Variants in SYNDIG1 observed in about 807,000 individuals in gnomAD.
The protein encoded by SYNDIG1 is synapse differentiation inducing 1.
SYNDIG1 carries 9 observed loss-of-function variants against 19.4 expected under a neutral mutation model. The observed-to-expected ratio is 0.46, with a 90% confidence interval of 0.28 to 0.81. The LOEUF (loss-of-function observed/expected upper bound fraction) is 0.81. Among genes scored for constraint, SYNDIG1 ranks in the 30% least tolerant of loss-of-function variants. The probability of loss-of-function intolerance (pLI) is 0.12; values close to 1 mark genes in which losing one functional copy is unlikely to be tolerated. For missense variants in SYNDIG1, 311 were observed against 343.3 expected (o/e 0.91, Z 0.74); for synonymous variants, 141 against 145.9 (o/e 0.97, Z 0.24).
In SYNDIG1 at chr20:24,537,295, A is replaced by C. The variant is rs1217957223; in HGVS notation, c.-78-5725A>C. On this transcript the variant is annotated intron_variant, in intron 1 of 3. Coordinates refer to ENST00000376862, the MANE Select transcript of SYNDIG1 (RefSeq NM_024893.3). ...TGAAAGGAGAGAGGATTCTATAATG[A>C]ATCACATGCACCCATCAACCAACTT... 2.0e-5 allele frequency among the ~76,000 whole-genome samples: 3 copies of C among 152,214 alleles called. No homozygotes were observed. The East Asian group carries it at 5.8e-4, about 29-fold the overall frequency.
intron 3 of SYNDIG1, among the ~76,000 whole-genome samples, chr20:24,643,883 T>C (rs2059401449): frequency 4.6e-5 from 7 of 152,244 alleles, no homozygotes; most frequent in Admixed American, 4.6e-4. Flanking sequence ...TATGTGATGC[T>C]GAGTTCTCCT....
intron 3 of SYNDIG1, among the ~76,000 whole-genome samples, chr20:24,604,479 T>C (rs1335613272): frequency 3.9e-5 from 6 of 152,216 alleles, no homozygotes; most frequent in Non-Finnish European, 8.8e-5. Context: ...CATTATATGC[T>C]AATTACATGC....
At chr20:24,577,972 A>C (rs2058256825) in intron 2 of SYNDIG1, among the ~76,000 whole-genome samples, 1 of 152,188 alleles carries the variant, frequency 6.6e-6, no homozygotes. Context: ...CCTCTGTGCA[A>C]ATTGTAGGGG....
intron 2 of SYNDIG1, among the ~76,000 whole-genome samples, chr20:24,574,134 G>A (rs994054095): frequency 2.0e-5 from 3 of 152,096 alleles, no homozygotes; most frequent in Admixed American, 6.5e-5. Context: ...AAAAGCAATT[G>A]CACCTGAATC....
intron 1 of SYNDIG1, among the ~76,000 whole-genome samples, chr20:24,540,304 T>G (rs1223112972): frequency 1.3e-5 from 2 of 152,254 alleles, no homozygotes; most frequent in African/African-American, 4.8e-5. Context: ...TAGATTTTTT[T>G]GTGGAATCTT....
rs1246324613 is a variant in SYNDIG1, at chr20:24,505,814, CA to C, written c.-79+36064del. ...GACTTTCCCCTTGCAGCACTTGAAG[CA>C]AAGTTGCAAAAAATCCTGACAATAG... On this transcript the variant is annotated intron_variant, in intron 1 of 3. Coordinates refer to ENST00000376862, the MANE Select transcript of SYNDIG1 (RefSeq NM_024893.3). Among the ~76,000 whole-genome samples the C allele has an allele frequency of 2.0e-5, 3 of 152,290 alleles. No homozygotes were observed. The East Asian group carries it at 5.8e-4, about 29-fold the overall frequency.
intron 3 of SYNDIG1, among the ~76,000 whole-genome samples, chr20:24,609,615 C>A (rs909591960): frequency 6.6e-6 from 1 of 152,184 alleles, no homozygotes; most frequent in Non-Finnish European, 1.5e-5. Flanking sequence ...CTGCAGATTG[C>A]TCAGGGGATT....
intron 1 of SYNDIG1, among the ~76,000 whole-genome samples, chr20:24,541,491 TCTC>T (rs1368333004): frequency 1.3e-5 from 2 of 152,192 alleles, no homozygotes; most frequent in Non-Finnish European, 2.9e-5. Flanking sequence ...CTTCATCCTG[TCTC>T]CTCCTCCAGC....
intron 3 of SYNDIG1, among the ~76,000 whole-genome samples, chr20:24,626,652 C>T (rs2059142720): frequency 6.6e-6 from 1 of 152,264 alleles, no homozygotes; most frequent in African/African-American, 2.4e-5. Context: ...GGCAGAGACG[C>T]TCCTCACTTC....
chr20:24,524,742 T>C (rs2057084872), intron 1 of SYNDIG1, among the ~76,000 whole-genome samples: 1 of 152,042 alleles, frequency 6.6e-6, no homozygotes, highest in African/African-American at 2.4e-5. Flanking sequence ...TTTAACGGGG[T>C]CTTGGAGAGA....
intron 3 of SYNDIG1, among the ~76,000 whole-genome samples, chr20:24,652,474 C>T (rs539542630): frequency 2.6e-5 from 4 of 152,364 alleles, no homozygotes; most frequent in African/African-American, 4.8e-5. Context: ...GCCTGTCCTA[C>T]GCTGGGCTCT....
intron 2 of SYNDIG1, among the ~76,000 whole-genome samples, chr20:24,558,105 C>T (rs1234249093): frequency 6.6e-6 from 1 of 152,128 alleles, no homozygotes; most frequent in Non-Finnish European, 1.5e-5. Flanking sequence ...GAATGAGGGG[C>T]TTGGTGTCTC....
chr20:24,580,017 G>A (rs936334100), intron 2 of SYNDIG1, among the ~76,000 whole-genome samples: 3 of 152,228 alleles, frequency 2.0e-5, no homozygotes, highest in Non-Finnish European at 2.9e-5. Context: ...ACAGGCAGGC[G>A]ATGCAGTAGA....
At chr20:24,562,515 T>G (rs2057966274) in intron 2 of SYNDIG1, among the ~76,000 whole-genome samples, 1 of 152,236 alleles carries the variant, frequency 6.6e-6, no homozygotes, top group Non-Finnish European at 1.5e-5. Flanking sequence ...CACTATTATC[T>G]TAGACATTCT....
At chr20:24,582,747 G>A (rs2058351547) in intron 2 of SYNDIG1, among the ~76,000 whole-genome samples, 1 of 152,134 alleles carries the variant, frequency 6.6e-6, no homozygotes, top group South Asian at 2.1e-4. Context: ...ACCATATGGG[G>A]GCCAATGTGC....
chr20:24,585,259 C>A (rs796401351), intron 3 of SYNDIG1, among the ~76,000 whole-genome samples: 1 of 152,124 alleles, frequency 6.6e-6, no homozygotes, highest in Non-Finnish European at 1.5e-5. Context: ...GAACTGAAGC[C>A]GGTGTCTGCT....
At chr20:24,485,076 C>T (rs2055918341) in intron 1 of SYNDIG1, among the ~76,000 whole-genome samples, 1 of 148,138 alleles carries the variant, frequency 6.8e-6, no homozygotes, top group African/African-American at 2.7e-5. Flanking sequence ...TTGACCGTCT[C>T]TGCCATGTTA....
intron 1 of SYNDIG1, among the ~76,000 whole-genome samples, chr20:24,525,650 TGAGA>T (rs2057109075): frequency 6.6e-6 from 1 of 151,874 alleles, no homozygotes; most frequent in Non-Finnish European, 1.5e-5. Context: ...GGAGAGAGAG[TGAGA>T]GAGACAGAGA....
At chr20:24,629,267 T>G (rs1370773471) in intron 3 of SYNDIG1, among the ~76,000 whole-genome samples, 1 of 152,144 alleles carries the variant, frequency 6.6e-6, no homozygotes, top group Admixed American at 6.5e-5. Flanking sequence ...CTCCCAACAG[T>G]GAGGCGAGTG....
Sources: allele counts gnomAD v4.1 joint callset (sites outside exome capture counted in the v4.1 genomes callset), GRCh38; gene constraint gnomAD v4.1.1; transcripts MANE v1.5; gene names NCBI Gene and HGNC (gene_info 2026-07-23, HGNC 2026-07-21).